The following NLRP8 variants were observed in gnomAD, a reference collection of about 807,000 sequenced individuals.
NLRP8 encodes NLR family pyrin domain containing 8, also known as NACHT, LRR and PYD domains-containing protein 8.
Under a neutral mutation model 88.7 loss-of-function variants are expected in NLRP8, and 86 were observed. That is an observed-to-expected ratio of 0.97 (90% CI 0.81 to 1.16). The LOEUF (loss-of-function observed/expected upper bound fraction) is 1.16, where lower values mean the gene tolerates loss of function less well. NLRP8 is among the 50% of genes most tolerant of loss of function. The pLI is 0.00. For synonymous variants in NLRP8, 504 were observed against 494.6 expected, an observed-to-expected ratio of 1.02 and a Z score of -0.25; for missense variants, 1,342 against 1,286.5, an observed-to-expected ratio of 1.04 and a Z score of -0.66.
rs1257360671 is a variant in NLRP8 at position 55,970,555 on chromosome 19, G to T, written c.2393G>T (p.Cys798Phe). 9 of 1,613,996 alleles carry T rather than the reference G, an allele frequency of 5.6e-6. No homozygotes were observed. Among genetic ancestry groups the T allele is most frequent in the Non-Finnish European group, 7.6e-6 (9 of 1,180,024 alleles). ...TCTGGCTTCTACAGGTTGGAAGACT[G>T]CTTGGCCACCCCTAGAATTTGGACT... Residue 798 changes from cysteine (C) to phenylalanine (F), a missense_variant, in exon 6 of 10, where the codon TGC becomes TTC. By Grantham distance (205) the Cys-to-Phe change is radical. Transcript: ENST00000291971.
chr19:55,969,746 C>T (rs926637673), intron 5 of NLRP8, among the ~76,000 whole-genome samples: 5 of 152,124 alleles, frequency 3.3e-5, no homozygotes, highest in African/African-American at 1.2e-4. Context: ...TTTCATCTGC[C>T]AGCGTTGCTC....
At chr19:55,953,478 A>ATTTCTTTC (rs576779130) in intron 2 of NLRP8, among the ~76,000 whole-genome samples, 3 of 147,196 alleles carry the variant, frequency 2.0e-5, no homozygotes, top group African/African-American at 5.1e-5. Flanking sequence ...GTGTGTCTCT[A>ATTTCTTTC]TTTCTTTCTT....
intron 8 of NLRP8, among the ~76,000 whole-genome samples, chr19:55,977,303 ATATT>A (rs968689844): frequency 1.1e-4 from 16 of 145,646 alleles, no homozygotes; most frequent in African/African-American, 2.0e-4. Flanking sequence ...TATTTTATAA[ATATT>A]TATATGTAGA....
At chr19:55,983,682 G>A (rs1036896731) in intron 9 of NLRP8, among the ~76,000 whole-genome samples, 1 of 151,712 alleles carries the variant, frequency 6.6e-6, no homozygotes, top group East Asian at 1.9e-4. Context: ...TCACCAATAA[G>A]AAGACAAATG....
intron 8 of NLRP8, among the ~76,000 whole-genome samples, chr19:55,977,739 T>C (rs756895325): frequency 2.9e-5 from 4 of 136,442 alleles, no homozygotes; most frequent in Non-Finnish European, 6.6e-5. Flanking sequence ...AATCTAATTT[T>C]ACCTCTTTCA....
intron 9 of NLRP8, among the ~76,000 whole-genome samples, chr19:55,979,838 G>T (rs1295451127): frequency 6.6e-6 from 1 of 152,126 alleles, no homozygotes; most frequent in East Asian, 1.9e-4. Flanking sequence ...AGGATCACTT[G>T]GGCCCAGGAG....
chr19:55,966,426 T>C lies in NLRP8; in HGVS notation c.2381+46T>C, dbSNP rs910625961. 9 of 1,588,508 alleles carry C rather than the reference T, an allele frequency of 5.7e-6. No homozygotes were observed. In the African/African-American group the frequency reaches 1.1e-4, roughly 19 times the overall value. ...TAGAGTGGGAACCGGGGTACCCGGA[T>C]GGTCTTTTCAAGGGCGGTGATGAGA... On this transcript the variant is annotated intron_variant, in intron 5 of 9. Coordinates refer to ENST00000291971, the MANE Select transcript of NLRP8 (RefSeq NM_176811.2).
rs772828666 is a variant in NLRP8 at position 55,966,230 on chromosome 19, G to A, written c.2231G>A (p.Ser744Asn). 6.2e-7 allele frequency: 1 copy of A among 1,614,122 alleles called. No individual in the cohort carries two copies. Among genetic ancestry groups the A allele is most frequent in the Non-Finnish European group, 8.5e-7 (1 of 1,179,980 alleles). The change falls in exon 5 of 10, where the codon AGC becomes AAC. Residue 744 changes from serine (S) to asparagine (N), a missense_variant. Ser to Asn is a conservative substitution (Grantham distance 46). Coordinates refer to ENST00000291971, the MANE Select transcript of NLRP8 (RefSeq NM_176811.2). ...CTCTCCAGCCTAAGGCGTGTGAATA[G>A]CACCATGTTGAACCAGGACTTAATC...
chr19:55,950,905 G>A (rs1020647856), intron 1 of NLRP8, among the ~76,000 whole-genome samples: 6 of 151,982 alleles, frequency 3.9e-5, no homozygotes, highest in South Asian at 2.1e-4. Context: ...CGGTGAAACC[G>A]CATCTCTACT....
chr19:55,950,659 G>A (rs1308793903), intron 1 of NLRP8, among the ~76,000 whole-genome samples: 6 of 152,170 alleles, frequency 3.9e-5, no homozygotes, highest in Non-Finnish European at 5.9e-5. Flanking sequence ...CTCTCACCCC[G>A]TAAGCCAGTG....
chr19:55,964,530 T>A (rs1160796536), intron 4 of NLRP8, among the ~76,000 whole-genome samples: 1 of 152,120 alleles, frequency 6.6e-6, no homozygotes, highest in Middle Eastern at 3.2e-3. Context: ...GGTGGGCGGA[T>A]TGCCTGAGCT....
chr19:55,975,148 C>T (rs1480406788), intron 7 of NLRP8, among the ~76,000 whole-genome samples: 1 of 152,192 alleles, frequency 6.6e-6, no homozygotes, highest in African/African-American at 2.4e-5. Context: ...ATCGAATCCC[C>T]TCTTTATTTC....
intron 4 of NLRP8, 31 bp downstream of exon 4, chr19:55,962,268 A>G (rs1183314144): frequency 6.3e-7 from 1 of 1,598,140 alleles, no homozygotes; most frequent in South Asian, 1.1e-5. Context: ...ACTGGAAGGA[A>G]CTTTATGGAG....
rs139448966 is a variant in NLRP8, at chr19:55,955,447, G to A, written c.1389G>A (p.Trp463Ter). ...GTCACTTGGCCGCAGACAGCATGTG[G>A]CACAGGAAATGGGTGTTAGGTAAAG... The change falls in exon 3 of 10, where the codon TGG (tryptophan) becomes TGA (stop). Residue 463 changes from tryptophan (W) to a stop codon, truncating the protein, a stop_gained. Coordinates refer to ENST00000291971, the MANE Select transcript of NLRP8 (RefSeq NM_176811.2). LOFTEE classifies it high-confidence loss of function. 24 of 1,614,104 alleles carry A rather than the reference G, an allele frequency of 1.5e-5. No homozygotes were observed. Among genetic ancestry groups the A allele is most frequent in the Admixed American group, 1.3e-4 (8 of 60,004 alleles).
intron 3 of NLRP8, 81 bp downstream of exon 3, chr19:55,956,181 ATCT>A: frequency 1.3e-5 from 18 of 1,358,206 alleles, no homozygotes; most frequent in Non-Finnish European, 1.3e-5. Context: ...TAGGGGGTCA[ATCT>A]GCAAACCTTT....
intron 4 of NLRP8, 54 bp from the exon 5 acceptor site, chr19:55,966,159 A>G: frequency 6.4e-7 from 1 of 1,561,772 alleles, no homozygotes. Flanking sequence ...AGGCCACAGA[A>G]TTCTACGACT....
chr19:55,977,446 A>G (rs192595617), intron 8 of NLRP8, among the ~76,000 whole-genome samples: 1 of 145,242 alleles, frequency 6.9e-6, no homozygotes, highest in Non-Finnish European at 1.5e-5. Context: ...TACATTATAT[A>G]CTTACATATT....
At chr19:55,975,246 T>C (rs1032896943) in intron 7 of NLRP8, among the ~76,000 whole-genome samples, 1 of 152,194 alleles carries the variant, frequency 6.6e-6, no homozygotes, top group African/African-American at 2.4e-5. Context: ...CCAAGCATAG[T>C]AACTCTCAGC....
chr19:55,985,572 A>G (rs1034443043), intron 9 of NLRP8, among the ~76,000 whole-genome samples: 1 of 152,188 alleles, frequency 6.6e-6, no homozygotes, highest in Non-Finnish European at 1.5e-5. Flanking sequence ...ACCTCATACC[A>G]TATACAAAAT....
Sources: allele counts gnomAD v4.1 joint callset (sites outside exome capture counted in the v4.1 genomes callset), GRCh38; gene constraint gnomAD v4.1.1; transcripts MANE v1.5; gene names NCBI Gene and HGNC (gene_info 2026-07-23, HGNC 2026-07-21).